Variants in FRMPD4 observed in about 807,000 individuals in gnomAD.
The protein encoded by FRMPD4 is FERM and PDZ domain containing 4.
In FRMPD4, 22 loss-of-function variants were observed where a neutral mutation model predicts 94.1. That is an observed-to-expected ratio of 0.23 (90% CI 0.17 to 0.33). The LOEUF (loss-of-function observed/expected upper bound fraction) is 0.33. Among genes scored for constraint, FRMPD4 ranks in the 10% least tolerant of loss-of-function variants. The probability of loss-of-function intolerance (pLI) is 1.00; values close to 1 mark genes in which losing one functional copy is unlikely to be tolerated. For missense variants in FRMPD4, 1,111 were observed against 1,339.9 expected (o/e 0.83, Z 2.67); for synonymous variants, 631 against 548.6 (o/e 1.15, Z -2.10).
chrX:12,063,311 A>G (rs1384264352), intron 3 of FRMPD4, among the ~76,000 whole-genome samples: 1 of 111,670 alleles, frequency 9.0e-6, no homozygotes, highest in Non-Finnish European at 1.9e-5. Context: ...CGAGTCTGCA[A>G]TGAGCCATGA....
chrX:12,706,852 T>C lies in FRMPD4; in HGVS notation c.1224T>C (p.His408=), dbSNP rs200736738. Residue 408 remains histidine, a synonymous_variant, in exon 12 of 17, where the codon CAT becomes CAC. Coordinates refer to ENST00000675598, the MANE Select transcript of FRMPD4 (RefSeq NM_001368397.1). Reference sequence around the variant, plus strand: ...TCTCTGCACTACAAGCCAAGGTCCATTATCTCAAGTTCCTCAGTGACCTAC... The same window carrying C: ...TCTCTGCACTACAAGCCAAGGTCCACTATCTCAAGTTCCTCAGTGACCTAC... ...KKLSALQAKV[H]YLKFLSDLRL... 2.6e-4 allele frequency: 308 copies of C among 1,178,981 alleles called. No homozygotes were observed. The East Asian group carries it at 7.6e-3, about 29-fold the overall frequency.
chrX:12,456,210 A>G (rs1444545534), intron 1 of FRMPD4, among the ~76,000 whole-genome samples: 1 of 112,082 alleles, frequency 8.9e-6, no homozygotes, highest in African/African-American at 3.2e-5. Flanking sequence ...CTCAAAAATT[A>G]CTGGCTGATG....
intron 1 of FRMPD4, chrX:12,495,046 A>G (rs889508717): frequency 3.8e-5 from 27 of 713,962 alleles, no homozygotes; most frequent in Non-Finnish European, 4.5e-5. Context: ...CTGTGCACCC[A>G]GGATCACACA....
chrX:11,915,002 AT>A (rs1386444935), intron 3 of FRMPD4, among the ~76,000 whole-genome samples: 1 of 112,076 alleles, frequency 8.9e-6, no homozygotes, highest in Non-Finnish European at 1.9e-5. Flanking sequence ...TAGGATATAT[AT>A]TTTTTAGGGA....
chrX:12,708,992 A>T (rs2041931717), intron 13 of FRMPD4: 1 of 113,935 alleles, frequency 8.8e-6, no homozygotes, highest in Admixed American at 9.4e-5. Context: ...ATGAGCAAAG[A>T]GGCTGAGAGA....
intron 1 of FRMPD4, among the ~76,000 whole-genome samples, chrX:12,175,561 C>T (rs1366093855): frequency 1.8e-5 from 2 of 112,057 alleles, no homozygotes; most frequent in Non-Finnish European, 3.8e-5. Flanking sequence ...GCTCTTTCGC[C>T]CAGGCTGGAG....
chrX:12,091,396 G>C (rs1425989848), intron 3 of FRMPD4, among the ~76,000 whole-genome samples: 1 of 112,084 alleles, frequency 8.9e-6, no homozygotes, highest in African/African-American at 3.2e-5. Context: ...CTCTGCCACT[G>C]TAATAGGAAA....
chrX:12,395,738 T>G (rs2148045585), intron 1 of FRMPD4: 1 of 112,396 alleles, frequency 8.9e-6, no homozygotes, highest in African/African-American at 3.2e-5. Flanking sequence ...TTTGCGTTTA[T>G]TATTGTATGC....
At chrX:12,244,603 C>G (rs775813156) in intron 1 of FRMPD4, among the ~76,000 whole-genome samples, 52 of 111,803 alleles carry the variant, frequency 4.7e-4, no homozygotes, top group Non-Finnish European at 8.8e-4. Flanking sequence ...TGGTTGAAAT[C>G]CAGAAATAGT....
intron 1 of FRMPD4, among the ~76,000 whole-genome samples, chrX:12,253,159 G>A (rs991338393): frequency 2.6e-4 from 29 of 112,092 alleles, no homozygotes; most frequent in African/African-American, 9.4e-4. Context: ...TGCTCTAGAT[G>A]AAGACATAGA....
At chrX:12,160,424 T>C (rs187049623) in intron 1 of FRMPD4, among the ~76,000 whole-genome samples, 96 of 111,804 alleles carry the variant, frequency 8.6e-4, no homozygotes, top group East Asian at 6.5e-3. Context: ...TGACCACTAT[T>C]ATTCTCAAAC....
intron 2 of FRMPD4, among the ~76,000 whole-genome samples, chrX:12,588,828 G>A (rs2058956159): frequency 9.0e-6 from 1 of 110,819 alleles, no homozygotes; most frequent in African/African-American, 3.4e-5. Flanking sequence ...TTTCAAATGT[G>A]TACGTGTATA....
At chrX:12,594,728 C>T (rs1297726026) in intron 2 of FRMPD4, among the ~76,000 whole-genome samples, 1 of 111,852 alleles carries the variant, frequency 8.9e-6, no homozygotes, top group Non-Finnish European at 1.9e-5. Flanking sequence ...AGCCACCGTA[C>T]CCGGCCAGTT....
At chrX:12,031,420 C>A (rs1469830378) in intron 3 of FRMPD4, among the ~76,000 whole-genome samples, 1 of 112,385 alleles carries the variant, frequency 8.9e-6, no homozygotes, top group African/African-American at 3.2e-5. Context: ...TGGCTGTGAA[C>A]TTCCCATTGC....
intron 1 of FRMPD4, among the ~76,000 whole-genome samples, chrX:11,863,825 T>C (rs144756700): frequency 0.022 from 2,520 of 112,283 alleles, 64 homozygotes; most frequent in African/African-American, 0.078. Flanking sequence ...ACATTTTATC[T>C]GGAATTTTGG....
chrX:12,117,515 C>T (rs2055419631), intron 3 of FRMPD4, among the ~76,000 whole-genome samples: 1 of 111,383 alleles, frequency 9.0e-6, no homozygotes, highest in South Asian at 3.8e-4. Context: ...CCATTTAGCT[C>T]TTTCACTCTC....
chrX:12,176,584 T>A lies in FRMPD4; in HGVS notation c.41+37572T>A, dbSNP rs193233463. ...CAAATTTTTAGATCATAAAATATGTTTGCAATAATTTTCTCTCACTATACA... is the reference window on the plus strand; with the variant it reads ...CAAATTTTTAGATCATAAAATATGTATGCAATAATTTTCTCTCACTATACA... On this transcript the variant is annotated intron_variant, in intron 1 of 16. Transcript: ENST00000675598. Among the ~76,000 whole-genome samples the A allele has an allele frequency of 4.9e-3, 549 of 112,553 alleles. 5 individuals are homozygous for A. The highest frequency in any genetic ancestry group is 0.017 in the African/African-American group (524 of 31,079).
intron 3 of FRMPD4, among the ~76,000 whole-genome samples, chrX:12,053,400 AAG>A (rs1275414243): frequency 2.0e-5 from 2 of 102,364 alleles, no homozygotes; most frequent in Non-Finnish European, 4.0e-5. Context: ...GAAAGAAAGA[AAG>A]AAAGAAAGAA....
intron 1 of FRMPD4, among the ~76,000 whole-genome samples, chrX:12,451,188 G>A (rs373770014): frequency 2.7e-5 from 3 of 111,192 alleles, no homozygotes; most frequent in Admixed American, 9.6e-5. Context: ...GTCTTTGCTC[G>A]GATTCCCTCT....
Sources: gnomAD v4.1 joint callset for allele counts (sites outside exome capture counted in the v4.1 genomes callset) on GRCh38, gnomAD v4.1.1 for gene constraint, MANE v1.5 for transcripts, NCBI Gene and HGNC (gene_info 2026-07-23, HGNC 2026-07-21) for gene names.